ESYT3: variants seen among roughly 807,000 people sequenced by gnomAD.
ESYT3 encodes the protein extended synaptotagmin-3.
Under a neutral mutation model 111.5 loss-of-function variants are expected in ESYT3, and 101 were observed. The observed-to-expected ratio is 0.91, with a 90% confidence interval of 0.77 to 1.07. The LOEUF is 1.07. Among genes scored for constraint, ESYT3 ranks in the 50% least tolerant of loss-of-function variants. The pLI, the probability that ESYT3 is intolerant of heterozygous loss-of-function variation, is 0.00. For missense variants in ESYT3, 1,097 were observed against 1,109.4 expected, an observed-to-expected ratio of 0.99 and a Z score of 0.16; for synonymous variants, 416 against 446.8, an observed-to-expected ratio of 0.93 and a Z score of 0.87.
rs1434056336 is a variant in ESYT3, at chr3:138,467,613, C to T, written c.1218+4C>T. On this transcript the variant is annotated splice_donor_region_variant and intron_variant, in intron 11 of 22. Transcript: ENST00000389567. ...GACCAACAGAGTGGTGGATGAGGTACAGTTGGTGCTTGCAACCCTCGGGGG... is the reference window on the plus strand; with the variant it reads ...GACCAACAGAGTGGTGGATGAGGTATAGTTGGTGCTTGCAACCCTCGGGGG... 1 of 1,614,032 alleles carries T rather than the reference C, an allele frequency of 6.2e-7. No homozygotes were observed. Among genetic ancestry groups the T allele is most frequent in the South Asian group, 1.1e-5 (1 of 91,068 alleles).
chr3:138,441,141 C>T (rs1442541751), intron 1 of ESYT3, among the ~76,000 whole-genome samples: 1 of 152,214 alleles, frequency 6.6e-6, no homozygotes, highest in Non-Finnish European at 1.5e-5. Context: ...ACTCGGCCCA[C>T]AGTCTTTCAC....
At chr3:138,451,973 C>G (rs1287447367) in intron 1 of ESYT3, 75 bp from the exon 2 acceptor site, 2 of 1,555,118 alleles carry the variant, frequency 1.3e-6, no homozygotes, top group Non-Finnish European at 1.8e-6. Flanking sequence ...ATGGGAAGCC[C>G]GCCAGGCTGG....
At chr3:138,475,448 A>G (rs2033434095) in intron 20 of ESYT3, among the ~76,000 whole-genome samples, 1 of 152,224 alleles carries the variant, frequency 6.6e-6, no homozygotes, top group South Asian at 2.1e-4. Context: ...CACCCTAAAA[A>G]TAAACCTAAA....
At chr3:138,480,926 A>T (rs1187729937), downstream of ESYT3, 1 of 152,238 alleles carries the variant, frequency 6.6e-6, no homozygotes, top group African/African-American at 2.4e-5. Flanking sequence ...AGAGCCCAGA[A>T]ACAGACCCAT....
intron 2 of ESYT3, among the ~76,000 whole-genome samples, chr3:138,454,393 T>C (rs1202372127): frequency 6.6e-6 from 1 of 151,598 alleles, no homozygotes; most frequent in African/African-American, 2.4e-5. Context: ...AAAAAAAAAA[T>C]TAAAAATTAA....
chr3:138,468,245 G>C, intron 12 of ESYT3, 51 bp downstream of exon 12: 6 of 1,532,268 alleles, frequency 3.9e-6, no homozygotes, highest in Non-Finnish European at 5.4e-6. Flanking sequence ...AGGAGCACAC[G>C]TGCCAGGTGT....
intron 14 of ESYT3, among the ~76,000 whole-genome samples, 177 bp downstream of exon 14, chr3:138,469,058 CCCA>C (rs1331125229): frequency 3.9e-5 from 6 of 152,180 alleles, no homozygotes; most frequent in African/African-American, 7.2e-5. Context: ...CAACTCATCC[CCCA>C]CATTTGTTAT....
At chr3:138,463,720 G>A (rs1470285279) in intron 8 of ESYT3, among the ~76,000 whole-genome samples, 1 of 152,196 alleles carries the variant, frequency 6.6e-6, no homozygotes, top group African/African-American at 2.4e-5. Flanking sequence ...CTAGGAAGGA[G>A]ATATATCTCA....
rs1238341043 is a variant in ESYT3 at position 138,435,840 on chromosome 3, G to C, written c.327+715G>C. On this transcript the variant is annotated intron_variant, in intron 1 of 22. Coordinates refer to ENST00000389567, the MANE Select transcript of ESYT3 (RefSeq NM_031913.5). This position sits in a 1 kb window ranked among gnomAD's most constrained non-coding sequence, Gnocchi z 4.8. ...CTGGGCCCCATTGCATAACTCCCAG[G>C]GTGGCACAGAGGTATCCTGGGTGAT... Among the ~76,000 whole-genome samples the C allele has an allele frequency of 6.6e-6, 1 of 152,200 alleles. No homozygotes were observed. The highest frequency in any genetic ancestry group is 1.9e-4 in the East Asian group (1 of 5,196).
intron 1 of ESYT3, among the ~76,000 whole-genome samples, chr3:138,451,799 CGTT>C (rs2031947479): frequency 6.6e-6 from 1 of 150,986 alleles, no homozygotes; most frequent in African/African-American, 2.5e-5. Flanking sequence ...GGTGCCAGCT[CGTT>C]GTCTGTTTAT....
intron 1 of ESYT3, among the ~76,000 whole-genome samples, chr3:138,448,474 A>AT (rs112150169): frequency 0.019 from 2,847 of 149,062 alleles, 82 homozygotes; most frequent in African/African-American, 0.065. Flanking sequence ...AAAAGATGCA[A>AT]TTTTTTTTTT....
chr3:138,436,742 A>T (rs1431463171), intron 1 of ESYT3, among the ~76,000 whole-genome samples: 1 of 152,158 alleles, frequency 6.6e-6, no homozygotes, highest in Non-Finnish European at 1.5e-5. Flanking sequence ...CCTTGCACAC[A>T]GTTGAGGGAG....
chr3:138,469,579 G>T, intron 15 of ESYT3, 75 bp downstream of exon 15: 1 of 1,287,056 alleles, frequency 7.8e-7, no homozygotes, highest in Non-Finnish European at 1.1e-6. Flanking sequence ...AGGCAAAAGG[G>T]AGGGGAATTA....
chr3:138,468,748 A>C, intron 13 of ESYT3, 31 bp downstream of exon 13: 1 of 1,614,002 alleles, frequency 6.2e-7, no homozygotes. Context: ...AGTGTCACAC[A>C]AACGCAACAA....
intron 22 of ESYT3, 75 bp from the exon 23 acceptor site, chr3:138,476,743 G>A: frequency 2.8e-6 from 4 of 1,440,204 alleles, no homozygotes; most frequent in Non-Finnish European, 3.9e-6. Context: ...CAGGCAGGCA[G>A]GACTAGGCAG....
intron 18 of ESYT3, chr3:138,473,087 C>CTT: frequency 2.1e-6 from 3 of 1,405,812 alleles, no homozygotes. Context: ...ATGCTGGACT[C>CTT]TGGTTGGTAA....
At chr3:138,444,546 T>A (rs1388269869) in intron 1 of ESYT3, among the ~76,000 whole-genome samples, 2 of 152,186 alleles carry the variant, frequency 1.3e-5, no homozygotes. Flanking sequence ...GGAACAGGAA[T>A]TAACAGCCCC....
chr3:138,455,161 C>G lies in ESYT3; in HGVS notation c.370-33C>G, dbSNP rs766696464. On this transcript the variant is annotated intron_variant, in intron 2 of 22. Transcript: ENST00000389567. ...GTGGGTCTGCAGTGGGGGTACAGAC[C>G]TGACTACCAAGAGCCTCTTCCCGTC... The G allele has an allele frequency of 2.4e-5, 38 of 1,612,970 alleles. No individual in the cohort carries two copies. The South Asian group carries it at 4.0e-4, about 17-fold the overall frequency.
intron 4 of ESYT3, 147 bp downstream of exon 4, chr3:138,457,791 C>T (rs2032384095): frequency 1.3e-6 from 1 of 773,448 alleles, no homozygotes; most frequent in Non-Finnish European, 2.2e-6. Context: ...CTTCTCCCAT[C>T]CCCTGGCATA....
Sources: allele counts gnomAD v4.1 joint callset (sites outside exome capture counted in the v4.1 genomes callset), GRCh38; gene constraint gnomAD v4.1.1; non-coding constraint Gnocchi (gnomAD v3.1); transcripts MANE v1.5; gene names NCBI Gene and HGNC (gene_info 2026-07-23, HGNC 2026-07-21).